The following DENND1A variants were observed in gnomAD, a reference collection of about 807,000 sequenced individuals.
DENND1A encodes DENN domain containing 1A.
A neutral mutation model predicts 113.7 loss-of-function variants in DENND1A; 51 were observed. That is an observed-to-expected ratio of 0.45 (90% CI 0.36 to 0.57). DENND1A has a LOEUF of 0.57. Among genes scored for constraint, DENND1A ranks in the 20% least tolerant of loss-of-function variants. The probability of loss-of-function intolerance (pLI) is 0.00; values close to 1 mark genes in which losing one functional copy is unlikely to be tolerated. For missense variants in DENND1A, 1,258 were observed against 1,395.9 expected (o/e 0.90, Z 1.57); for synonymous variants, 565 against 570.8 (o/e 0.99, Z 0.14).
chr9:123,852,269 A>G (rs562929255), intron 2 of DENND1A, among the ~76,000 whole-genome samples: 1 of 152,254 alleles, frequency 6.6e-6, no homozygotes, highest in South Asian at 2.1e-4. Flanking sequence ...AGCCTGATTT[A>G]GTTCCGGAGA....
chr9:123,616,472 T>C (rs571108953), intron 10 of DENND1A, among the ~76,000 whole-genome samples: 1 of 152,378 alleles, frequency 6.6e-6, no homozygotes, highest in African/African-American at 2.4e-5. Context: ...CTAGCTGGAA[T>C]TGACTGATAC....
chr9:123,747,830 G>A (rs975690011), intron 5 of DENND1A, among the ~76,000 whole-genome samples: 5 of 152,088 alleles, frequency 3.3e-5, no homozygotes, highest in Admixed American at 6.5e-5. Context: ...ATACGGAAAC[G>A]TAAACTCAAC....
At chr9:123,576,648 G>A (rs111608401) in intron 12 of DENND1A, among the ~76,000 whole-genome samples, 5,597 of 152,088 alleles carry the variant, frequency 0.037, 373 homozygotes, top group African/African-American at 0.13. Flanking sequence ...ACAGGCACCC[G>A]CCATCATGAC....
intron 8 of DENND1A, among the ~76,000 whole-genome samples, chr9:123,659,905 A>G (rs921307759): frequency 6.6e-6 from 1 of 152,262 alleles, no homozygotes; most frequent in African/African-American, 2.4e-5. Context: ...CTAGAGCTCA[A>G]CAGTGATTCT....
intron 16 of DENND1A, 110 bp downstream of exon 16, chr9:123,454,629 A>G: frequency 1.8e-6 from 2 of 1,114,848 alleles, no homozygotes; most frequent in Non-Finnish European, 2.7e-6. Context: ...AGGCATCTCC[A>G]GCAGAGAGAA....
chr9:123,674,703 G>A (rs1184939936), intron 6 of DENND1A, among the ~76,000 whole-genome samples: 1 of 152,204 alleles, frequency 6.6e-6, no homozygotes, highest in African/African-American at 2.4e-5. Flanking sequence ...CAATCGCCCA[G>A]AGGAAAGGTT....
chr9:123,921,711 G>C (rs1402501317), intron 1 of DENND1A, among the ~76,000 whole-genome samples: 1 of 152,162 alleles, frequency 6.6e-6, no homozygotes, highest in Non-Finnish European at 1.5e-5. Context: ...TCTCAATGCA[G>C]ACTAAAATGC....
intron 13 of DENND1A, among the ~76,000 whole-genome samples, chr9:123,542,597 CA>C (rs1229556505): frequency 2.0e-5 from 3 of 152,272 alleles, no homozygotes; most frequent in African/African-American, 7.2e-5. Context: ...GCTCCCAGAT[CA>C]GCTGGTTTCC....
chr9:123,849,086 G>A (rs1306690036), intron 2 of DENND1A, among the ~76,000 whole-genome samples: 1 of 152,218 alleles, frequency 6.6e-6, no homozygotes, highest in Non-Finnish European at 1.5e-5. Context: ...TTCAAGCTAA[G>A]ATCATTGATA....
intron 2 of DENND1A, among the ~76,000 whole-genome samples, chr9:123,819,567 A>G (rs1270038837): frequency 6.6e-6 from 1 of 152,172 alleles, no homozygotes; most frequent in African/African-American, 2.4e-5. Context: ...TCTGTTGCCC[A>G]GGTGGGGGTT....
intron 2 of DENND1A, among the ~76,000 whole-genome samples, chr9:123,827,035 A>T (rs1014551147): frequency 5.3e-5 from 8 of 152,220 alleles, no homozygotes; most frequent in Admixed American, 3.3e-4. Context: ...GCTTAAAAAA[A>T]ATCAAAGCTT....
intron 1 of DENND1A, among the ~76,000 whole-genome samples, chr9:123,901,215 A>C (rs1468856516): frequency 6.6e-6 from 1 of 152,132 alleles, no homozygotes; most frequent in Non-Finnish European, 1.5e-5. Flanking sequence ...AAAGTGGTAG[A>C]AAGAGCCCAG....
chr9:123,525,321 T>G (rs749596263), intron 13 of DENND1A, among the ~76,000 whole-genome samples: 1 of 152,186 alleles, frequency 6.6e-6, no homozygotes, highest in Non-Finnish European at 1.5e-5. Context: ...TCGGTTAAAT[T>G]TACTCTTGTT....
chr9:123,793,701 G>A (rs1268438007), intron 2 of DENND1A, among the ~76,000 whole-genome samples: 1 of 152,096 alleles, frequency 6.6e-6, no homozygotes, highest in Non-Finnish European at 1.5e-5. Context: ...CATTTCTTCA[G>A]TGAATAATCA....
chr9:123,605,388 A>G (rs972530000), intron 11 of DENND1A, among the ~76,000 whole-genome samples: 2 of 152,200 alleles, frequency 1.3e-5, no homozygotes, highest in African/African-American at 2.4e-5. Context: ...GGCACAGAAG[A>G]GGGGCTGCAT....
In DENND1A at chr9:123,858,050, C is replaced by T. The variant is rs192941325; in HGVS notation, c.88+20901G>A. Among the ~76,000 whole-genome samples, 295 of 144,824 alleles carry T rather than the reference C, an allele frequency of 2.0e-3. 3 individuals carry two copies. Among genetic ancestry groups the T allele is most frequent in the Non-Finnish European group, 3.1e-3 (209 of 66,434 alleles). On this transcript the variant is annotated intron_variant, in intron 2 of 23. Transcript: ENST00000394215. ...CTCCAGCCTGGGCGACAGAGCGAGA[C>T]TCCGTCTCAAAAAAAAAAAAAAAAA...
intron 8 of DENND1A, among the ~76,000 whole-genome samples, chr9:123,665,422 T>C (rs1235467568): frequency 1.3e-5 from 2 of 152,190 alleles, no homozygotes; most frequent in Non-Finnish European, 2.9e-5. Context: ...AATTTTTTAT[T>C]AGTTAATGTC....
At chr9:123,841,947 A>G (rs545530146) in intron 2 of DENND1A, among the ~76,000 whole-genome samples, 10 of 152,328 alleles carry the variant, frequency 6.6e-5, no homozygotes, top group Non-Finnish European at 1.2e-4. Context: ...TGAGCAGATC[A>G]TGAGTTAGAA....
chr9:123,684,133 C>G (rs1308091652), intron 5 of DENND1A, among the ~76,000 whole-genome samples: 1 of 152,122 alleles, frequency 6.6e-6, no homozygotes, highest in Non-Finnish European at 1.5e-5. Flanking sequence ...CTTTTTGTTC[C>G]CATTTCAATT....
Sources: allele counts gnomAD v4.1 joint callset (sites outside exome capture counted in the v4.1 genomes callset), GRCh38; gene constraint gnomAD v4.1.1; transcripts MANE v1.5; gene names NCBI Gene and HGNC (gene_info 2026-07-23, HGNC 2026-07-21).